The following CDC42BPA variants were observed in gnomAD, a reference collection of about 807,000 sequenced individuals.
The protein encoded by CDC42BPA is CDC42 binding protein kinase alpha, also known as serine/threonine-protein kinase MRCK alpha.
In CDC42BPA, 80 loss-of-function variants were observed where a neutral mutation model predicts 223.5. The observed-to-expected ratio is 0.36, with a 90% confidence interval of 0.30 to 0.43. The LOEUF is 0.43. Ranked by LOEUF, CDC42BPA falls within the 20% of genes least tolerant of loss-of-function variation. The pLI is 1.00. For missense variants in CDC42BPA, 1,743 were observed against 2,099.9 expected, an observed-to-expected ratio of 0.83 and a Z score of 3.32; for synonymous variants, 694 against 718.6, an observed-to-expected ratio of 0.97 and a Z score of 0.55.
chr1:227,028,707 C>T lies in CDC42BPA; in HGVS notation c.4382G>A (p.Arg1461Gln), dbSNP rs369641713. Residue 1461 changes from arginine (R) to glutamine (Q), a missense_variant, in exon 30 of 37, where the codon CGA (arginine) becomes CAA (glutamine). Arg to Gln is a conservative substitution (Grantham distance 43). Transcript: ENST00000366766. ...SIGIYTDCQG[R>Q]RSRQQELMWP... ...CATCAATTCCTGTTGTCTAGATCTT[C>T]GGCCCTGGCAGTCAGTGTATATCCC... The T allele has an allele frequency of 7.5e-6, 12 of 1,601,516 alleles. No homozygotes were observed. Among genetic ancestry groups the T allele is most frequent in the Middle Eastern group, 1.7e-4 (1 of 6,042 alleles).
intron 5 of CDC42BPA, chr1:227,178,554 G>A (rs1439736800): frequency 6.5e-6 from 1 of 154,196 alleles, no homozygotes; most frequent in Non-Finnish European, 1.4e-5. Flanking sequence ...GGAGTGCAAT[G>A]GCATGATCTC....
At chr1:227,256,987 AC>A (rs1683178153) in intron 1 of CDC42BPA, among the ~76,000 whole-genome samples, 1 of 149,768 alleles carries the variant, frequency 6.7e-6, no homozygotes. Flanking sequence ...ACACACACAC[AC>A]ACCAGTATGT....
At chr1:227,081,124 C>A in intron 16 of CDC42BPA, 107 bp from the exon 17 acceptor site, 1 of 1,067,560 alleles carries the variant, frequency 9.4e-7, no homozygotes, top group Non-Finnish European at 1.4e-6. Flanking sequence ...CCAAAAATGC[C>A]TGTCTTATTA....
rs1174324308 is a variant in CDC42BPA at position 227,316,995 on chromosome 1, A to T, written c.178+10T>A. 6.2e-7 allele frequency: 1 copy of T among 1,603,656 alleles called. No individual in the cohort carries two copies. Among genetic ancestry groups the T allele is most frequent in the Admixed American group, 1.7e-5 (1 of 59,856 alleles). On this transcript the variant is annotated intron_variant, in intron 1 of 36. Transcript: ENST00000366766. The stretch of plus-strand genomic sequence containing the variant: ...AAGATTAACAGTTTCTTTAAAAATT[A>T]CAAACTTACCCCATTCTAGGTATTC...
chr1:227,199,991 A>G (rs1056570134), intron 3 of CDC42BPA, among the ~76,000 whole-genome samples: 1 of 152,214 alleles, frequency 6.6e-6, no homozygotes, highest in Non-Finnish European at 1.5e-5. Context: ...AAGAAATAAG[A>G]TGTAAATTGT....
rs114099305 is a variant in CDC42BPA at position 227,246,511 on chromosome 1, G to A, written c.270+7553C>T. Among the ~76,000 whole-genome samples the A allele has an allele frequency of 5.7e-3, 865 of 152,186 alleles. 9 individuals are homozygous for A. The highest frequency in any genetic ancestry group is 0.02 in the African/African-American group (822 of 41,534). Reference sequence around the variant, plus strand: ...TATCACCAAATCCCCAGAGTTCCAGGTGGCTCGATACAGAAAGAAAGACCC... The same window carrying A: ...TATCACCAAATCCCCAGAGTTCCAGATGGCTCGATACAGAAAGAAAGACCC... On this transcript the variant is annotated intron_variant, in intron 2 of 36. Transcript: ENST00000366766.
intron 2 of CDC42BPA, among the ~76,000 whole-genome samples, chr1:227,228,558 T>C (rs907428719): frequency 1.3e-5 from 2 of 152,250 alleles, no homozygotes; most frequent in African/African-American, 2.4e-5. Context: ...CGGAGTAGAA[T>C]TGCTGGATCA....
chr1:227,023,109 G>A (rs1667681682), intron 32 of CDC42BPA, among the ~76,000 whole-genome samples, 154 bp downstream of exon 32: 1 of 152,180 alleles, frequency 6.6e-6, no homozygotes, highest in Non-Finnish European at 1.5e-5. Flanking sequence ...AATATATTAA[G>A]AATGTGATAG....
chr1:227,293,470 C>T (rs958901758), intron 1 of CDC42BPA, among the ~76,000 whole-genome samples: 3 of 151,226 alleles, frequency 2.0e-5, no homozygotes, highest in Non-Finnish European at 2.9e-5. Flanking sequence ...AAGATATCTA[C>T]ATCCCAATTG....
rs767756197 is a variant in CDC42BPA, at chr1:227,112,699, A to T, written c.1862T>A (p.Leu621Gln). 4 of 1,613,966 alleles carry T rather than the reference A, an allele frequency of 2.5e-6. No homozygotes were observed. Residue 621 changes from leucine (L) to glutamine (Q), a missense_variant, in exon 13 of 37, where the codon CTG becomes CAG. This residue lies in a region of CDC42BPA where 464 missense variants were observed against 488.0 expected (regional missense o/e 0.95). Transcript: ENST00000366766. ...TTTTTTGGCTCTTTCTGTTCTGCGCAGTTCTTGCCTTAAGCTTTCAACTTT... is the reference window on the plus strand; with the variant it reads ...TTTTTTGGCTCTTTCTGTTCTGCGCTGTTCTTGCCTTAAGCTTTCAACTTT... Reference protein sequence around the residue: ...MQKVESLRQELRRTERAKKEL... With the variant: ...MQKVESLRQEQRRTERAKKEL...
At chr1:227,222,256 C>G (rs2147871574) in intron 2 of CDC42BPA, among the ~76,000 whole-genome samples, 1 of 151,282 alleles carries the variant, frequency 6.6e-6, no homozygotes, top group East Asian at 2.0e-4. Flanking sequence ...TGCCTGTAAT[C>G]CCAGCACTTT....
rs1325111719 is a variant in CDC42BPA, at chr1:227,139,678, T to G, written c.1288A>C (p.Asn430His). The G allele has an allele frequency of 3.1e-6, 5 of 1,608,972 alleles. No individual in the cohort carries two copies. The Admixed American group carries it at 6.7e-5, about 22-fold the overall frequency. Residue 430 changes from asparagine to histidine, a missense_variant, in exon 10 of 37, where the codon AAT (asparagine) becomes CAT (histidine). Transcript: ENST00000366766. The stretch of plus-strand genomic sequence containing the variant: ...TTGTTGTCTAGAGTCCTCTGAACAT[T>G]AACATCAAGATCCAGTGAGGTGGGA... ...AGPTSLDLDVNVQRTLDNNLA... is the reference protein window; with the variant it reads ...AGPTSLDLDVHVQRTLDNNLA...
At chr1:227,167,515 T>A (rs1224587321) in intron 5 of CDC42BPA, among the ~76,000 whole-genome samples, 1 of 152,222 alleles carries the variant, frequency 6.6e-6, no homozygotes. Context: ...AAATTAATGC[T>A]TCTCAGTTTC....
rs1002961051 is a variant in CDC42BPA, at chr1:227,263,402, G to A, written c.179-9247C>T. 1.7e-4 allele frequency among the ~76,000 whole-genome samples: 26 copies of A among 152,068 alleles called. 1 individual carries two copies. Among genetic ancestry groups the A allele is most frequent in the Admixed American group, 3.9e-4 (6 of 15,256 alleles). The stretch of plus-strand genomic sequence containing the variant: ...TCAGCCAAGGTTCTCTTAAATCTTC[G>A]TTATTTGTGTGTAACTCCAGAGAAA... On this transcript the variant is annotated intron_variant, in intron 1 of 36. Coordinates refer to ENST00000366766, the MANE Select transcript of CDC42BPA (RefSeq NM_001394014.1).
At chr1:227,160,414 T>G (rs1420543214) in intron 6 of CDC42BPA, 129 bp downstream of exon 6, 2 of 680,776 alleles carry the variant, frequency 2.9e-6, no homozygotes, top group Non-Finnish European at 2.6e-6. Flanking sequence ...TGGAAGGAGG[T>G]GGCGCATAGA....
intron 27 of CDC42BPA, 94 bp downstream of exon 27, chr1:227,033,240 T>G: frequency 1.4e-6 from 1 of 736,016 alleles, no homozygotes; most frequent in Non-Finnish European, 2.3e-6. Context: ...AGATTTGGTT[T>G]TACTTATAGT....
chr1:227,224,355 T>A (rs1460604779), intron 2 of CDC42BPA, among the ~76,000 whole-genome samples: 1 of 151,912 alleles, frequency 6.6e-6, no homozygotes, highest in Non-Finnish European at 1.5e-5. Flanking sequence ...TGCCTCAGCC[T>A]CCCAAGTAGC....
intron 3 of CDC42BPA, among the ~76,000 whole-genome samples, chr1:227,210,865 G>T (rs1030599808): frequency 1.3e-5 from 2 of 152,122 alleles, no homozygotes; most frequent in African/African-American, 4.8e-5. Context: ...TGTCCTTCAG[G>T]GGTAGCCCAT....
intron 1 of CDC42BPA, among the ~76,000 whole-genome samples, chr1:227,316,759 CA>C (rs2148863168): frequency 6.6e-6 from 1 of 152,310 alleles, no homozygotes; most frequent in South Asian, 2.1e-4. Flanking sequence ...GACCTAAAAA[CA>C]TAAGTTCTTC....
Sources: allele counts gnomAD v4.1 joint callset (sites outside exome capture counted in the v4.1 genomes callset), GRCh38; gene constraint gnomAD v4.1.1; regional missense constraint gnomAD v4.1.1; transcripts MANE v1.5; gene names NCBI Gene and HGNC (gene_info 2026-07-23, HGNC 2026-07-21).